Variants in KCNMA1 observed in about 807,000 individuals in gnomAD.
KCNMA1 encodes the protein Calcium-activated potassium channel subunit alpha-1.
A neutral mutation model predicts 140.0 loss-of-function variants in KCNMA1; 29 were observed. The ratio of observed to expected loss-of-function variants is 0.21; its 90% CI spans 0.15 to 0.28. The LOEUF is 0.28. KCNMA1 is among the 10% of genes least tolerant of loss of function. The pLI is 1.00. For synonymous variants in KCNMA1, 612 were observed against 611.9 expected (o/e 1.00, Z 0.00); for missense variants, 880 against 1,602.2 (o/e 0.55, Z 7.70).
chr10:77,440,977 C>T (rs1460944850), intron 1 of KCNMA1, among the ~76,000 whole-genome samples: 1 of 149,822 alleles, frequency 6.7e-6, no homozygotes, highest in Non-Finnish European at 1.5e-5. Context: ...AGCCACCATG[C>T]CTGGCTAATT....
chr10:77,520,160 A>AGGG (rs1567298029), intron 1 of KCNMA1, among the ~76,000 whole-genome samples: 1 of 2,198 alleles, frequency 4.5e-4, no homozygotes, highest in African/African-American at 1.8e-3. Flanking sequence ...GAGGTCTGGC[A>AGGG]TATGCAGTGT....
At chr10:77,331,421 T>C (rs961585978) in intron 2 of KCNMA1, among the ~76,000 whole-genome samples, 1 of 152,086 alleles carries the variant, frequency 6.6e-6, no homozygotes, top group African/African-American at 2.4e-5. Context: ...TTTGAGTAGG[T>C]AGAGCCAGTA....
chr10:77,351,243 G>A (rs564891836), intron 2 of KCNMA1, among the ~76,000 whole-genome samples: 1 of 152,112 alleles, frequency 6.6e-6, no homozygotes, highest in Admixed American at 6.5e-5. Context: ...AAGACTAAAG[G>A]TCAAGGGACA....
At chr10:76,914,821 A>T in intron 24 of KCNMA1, 115 bp downstream of exon 24, 1 of 800,738 alleles carries the variant, frequency 1.2e-6, no homozygotes, top group Non-Finnish European at 2.2e-6. Flanking sequence ...CCTCAAAACA[A>T]ACCCCATAGC....
At position 76,889,470 on chromosome 10, in the gene KCNMA1, G is replaced by A; in HGVS notation, c.3442C>T (p.Pro1148Ser). 1 of 1,612,348 alleles carries A rather than the reference G, an allele frequency of 6.2e-7. No homozygotes were observed. Reference sequence around the variant, plus strand: ...ACTCACCTCTTTGTGCACTGACTGGGGGTGCTGAGGTGAGCATCTCTCAGC... The same window carrying A: ...ACTCACCTCTTTGTGCACTGACTGGAGGTGCTGAGGTGAGCATCTCTCAGC... ...YRLRDAHLST[P>S]SQCTKRYVIT... is the part of the protein sequence containing the mutation. The change falls in exon 27 of 28, where the codon CCC becomes TCC. Residue 1148 changes from proline to serine, a missense_variant. Pro to Ser is a moderately conservative substitution (Grantham distance 74, BLOSUM62 -1). Transcript: ENST00000286628.
chr10:76,874,911 C>T (rs1440870704), downstream of KCNMA1: 1 of 152,168 alleles, frequency 6.6e-6, no homozygotes. Context: ...CCACAGCACC[C>T]AAGAATCATT....
intron 2 of KCNMA1, among the ~76,000 whole-genome samples, chr10:77,294,692 G>A (rs1228431082): frequency 6.6e-6 from 1 of 152,192 alleles, no homozygotes; most frequent in African/African-American, 2.4e-5. Flanking sequence ...GCTGAGGTGG[G>A]CGGGTCATCT....
In KCNMA1 at chr10:77,229,172, G is replaced by A. The variant is rs566747203; in HGVS notation, c.602+22023C>T. Among the ~76,000 whole-genome samples the A allele has an allele frequency of 2.5e-3, 379 of 152,098 alleles. 3 individuals carry two copies. The highest frequency in any genetic ancestry group is 8.7e-3 in the African/African-American group (361 of 41,500). ...TGGACACGATGGAAAAGCAAAGGTG[G>A]GTCATCCACCTGGGAATCTCTAGTT... On this transcript the variant is annotated intron_variant, in intron 3 of 27. Transcript: ENST00000286628.
intron 1 of KCNMA1, among the ~76,000 whole-genome samples, chr10:77,625,162 G>T (rs1337341480): frequency 6.6e-6 from 1 of 152,204 alleles, no homozygotes; most frequent in Non-Finnish European, 1.5e-5. Context: ...GGGAGGCTGA[G>T]GCGGGCGGAT....
chr10:76,947,816 T>C (rs2064662558), intron 22 of KCNMA1, among the ~76,000 whole-genome samples: 1 of 152,208 alleles, frequency 6.6e-6, no homozygotes, highest in Admixed American at 6.5e-5. Flanking sequence ...ATCTAATGAG[T>C]AACATGTACT....
intron 17 of KCNMA1, among the ~76,000 whole-genome samples, chr10:77,016,827 T>C (rs1361821676): frequency 3.9e-5 from 6 of 152,222 alleles, no homozygotes; most frequent in Non-Finnish European, 8.8e-5. Context: ...TGAAGGTTTC[T>C]ACAAGCTAGA....
intron 3 of KCNMA1, among the ~76,000 whole-genome samples, chr10:77,193,498 T>C (rs1003300049): frequency 1.3e-5 from 2 of 152,130 alleles, no homozygotes; most frequent in African/African-American, 4.8e-5. Context: ...GAACCCTTAT[T>C]TATCTAGAAA....
At chr10:77,101,797 G>A (rs1042142267) in intron 9 of KCNMA1, among the ~76,000 whole-genome samples, 7 of 152,208 alleles carry the variant, frequency 4.6e-5, no homozygotes, top group Non-Finnish European at 7.3e-5. Context: ...GAGGAAAAGT[G>A]AGAATAGCTG....
chr10:77,080,254 A>G (rs2096530983), intron 12 of KCNMA1, among the ~76,000 whole-genome samples: 1 of 152,166 alleles, frequency 6.6e-6, no homozygotes, highest in African/African-American at 2.4e-5. Flanking sequence ...TCTGCATGCA[A>G]TTAAAAGTAG....
At chr10:77,615,094 C>A (rs2088898247) in intron 1 of KCNMA1, among the ~76,000 whole-genome samples, 1 of 152,228 alleles carries the variant, frequency 6.6e-6, no homozygotes, top group Non-Finnish European at 1.5e-5. Flanking sequence ...AACCTTAACA[C>A]AGGCGCCTGG....
At chr10:77,183,566 C>T (rs1439648965) in intron 4 of KCNMA1, 34 bp from the exon 5 acceptor site, 2 of 1,414,526 alleles carry the variant, frequency 1.4e-6, no homozygotes, top group Admixed American at 3.6e-5. Flanking sequence ...AGAGAAAAAA[C>T]ATGAGAAGCA....
chr10:77,099,953 C>T (rs750646617), intron 9 of KCNMA1, among the ~76,000 whole-genome samples: 13 of 152,266 alleles, frequency 8.5e-5, no homozygotes, highest in Admixed American at 5.9e-4. Flanking sequence ...TGTTCAACAA[C>T]GTGAATTATC....
intron 1 of KCNMA1, among the ~76,000 whole-genome samples, chr10:77,624,420 G>A (rs2092142010): frequency 6.6e-6 from 1 of 151,946 alleles, no homozygotes; most frequent in Non-Finnish European, 1.5e-5. Context: ...TTTTTTAAAT[G>A]ACAGGTTTGA....
chr10:77,043,842 G>A (rs957743853), intron 14 of KCNMA1, among the ~76,000 whole-genome samples: 2 of 152,200 alleles, frequency 1.3e-5, no homozygotes, highest in South Asian at 4.1e-4. Context: ...GTTGCAGGGA[G>A]AGGGAATGAG....
Sources: gnomAD v4.1 joint callset for allele counts (sites outside exome capture counted in the v4.1 genomes callset) on GRCh38, gnomAD v4.1.1 for gene constraint, MANE v1.5 for transcripts, NCBI Gene and HGNC (gene_info 2026-07-23, HGNC 2026-07-21) for gene names.